PDHX: variants seen among roughly 807,000 people sequenced by gnomAD.
The protein encoded by PDHX is pyruvate dehydrogenase complex component X.
Under a neutral mutation model 55.3 loss-of-function variants are expected in PDHX, and 33 were observed. The ratio of observed to expected loss-of-function variants is 0.60; its 90% CI spans 0.45 to 0.80. The LOEUF (loss-of-function observed/expected upper bound fraction) is 0.80, where lower values mean the gene tolerates loss of function less well. Ranked by LOEUF, PDHX falls within the 30% of genes least tolerant of loss-of-function variation. PDHX has a pLI of 0.00. For synonymous variants in PDHX, 226 were observed against 219.4 expected (o/e 1.03, Z -0.27); for missense variants, 622 against 619.9 (o/e 1.00, Z -0.04).
chr11:34,940,064 C>A (rs11032938), intron 2 of PDHX, among the ~76,000 whole-genome samples: 28,694 of 152,062 alleles, frequency 0.19, 3,890 homozygotes, highest in African/African-American at 0.39. Context: ...AAAAAAAATT[C>A]TTGTTCTCCT....
chr11:34,931,389 T>G lies in PDHX; in HGVS notation c.161-15T>G. On this transcript the variant is annotated splice_polypyrimidine_tract_variant and intron_variant, in intron 1 of 10. Coordinates refer to ENST00000227868, the MANE Select transcript of PDHX (RefSeq NM_003477.3). ...TTATTTGTTGTGGCTCATCTTTCCT[T>G]TTTTTCAATTTCAGGTGATCCCATT... The G allele has an allele frequency of 6.7e-7, 1 of 1,502,428 alleles. No homozygotes were observed. Among genetic ancestry groups the G allele is most frequent in the Non-Finnish European group, 9.3e-7 (1 of 1,080,232 alleles). 93.1% of individuals were successfully genotyped at this position (1,502,428 alleles called of 1,614,324 possible). A position where few individuals can be genotyped will look rare whatever the true frequency, so the allele number is the denominator to read the frequency against.
intron 3 of PDHX, among the ~76,000 whole-genome samples, chr11:34,954,549 G>A (rs1157370136): frequency 2.0e-5 from 3 of 152,136 alleles, no homozygotes; most frequent in African/African-American, 2.4e-5. Context: ...ACCCATTATC[G>A]TATATGTTGA....
chr11:34,949,271 G>A (rs1026144012), intron 3 of PDHX, among the ~76,000 whole-genome samples: 1 of 151,974 alleles, frequency 6.6e-6, no homozygotes, highest in Non-Finnish European at 1.5e-5. Flanking sequence ...TGTTTGAGAT[G>A]GAGTTTTGCT....
At chr11:34,947,938 C>G (rs1285889593) in intron 3 of PDHX, among the ~76,000 whole-genome samples, 1 of 152,124 alleles carries the variant, frequency 6.6e-6, no homozygotes, top group Admixed American at 6.5e-5. Flanking sequence ...ATTGAGCCAA[C>G]CAGCGTGTTT....
chr11:34,984,638 A>G lies in PDHX; in HGVS notation c.1092A>G (p.Ser364=). The G allele has an allele frequency of 6.2e-7, 1 of 1,613,892 alleles. No homozygotes were observed. Among genetic ancestry groups the G allele is most frequent in the Non-Finnish European group, 8.5e-7 (1 of 1,179,780 alleles). Residue 364 remains serine, a synonymous_variant, in exon 9 of 11, where the codon TCA becomes TCG. Transcript: ENST00000227868. ...AGCAACTGCCATTTATTGACATTTC[A>G]GTGGCTGTGGCAACAGATAAAGGCT... The part of the protein sequence containing the change: ...GPKQLPFIDI[S]VAVATDKGLL...
chr11:34,955,679 G>A (rs557499517), intron 3 of PDHX, among the ~76,000 whole-genome samples: 23 of 152,214 alleles, frequency 1.5e-4, no homozygotes, highest in African/African-American at 4.3e-4. Context: ...TCAATGTTAC[G>A]TTGGTAGAGT....
chr11:34,990,651 C>T (rs977913110), intron 9 of PDHX, among the ~76,000 whole-genome samples: 2 of 152,078 alleles, frequency 1.3e-5, no homozygotes, highest in African/African-American at 4.8e-5. Context: ...AGGAAAAATG[C>T]TTTTATAGAT....
intron 5 of PDHX, among the ~76,000 whole-genome samples, chr11:34,961,774 G>A (rs2761820): frequency 0.6 from 91,105 of 151,818 alleles, 28,824 homozygotes; most frequent in East Asian, 0.75. Flanking sequence ...ATACTGTGAA[G>A]TTCGTGCCAC....
chr11:34,916,572 G>A, upstream of PDHX: 2 of 1,567,296 alleles, frequency 1.3e-6, no homozygotes, highest in Non-Finnish European at 1.7e-6. Flanking sequence ...TAGCGTCTGG[G>A]GGCGTGGCCA....
intron 2 of PDHX, among the ~76,000 whole-genome samples, chr11:34,944,027 C>A (rs1043890805): frequency 2.0e-5 from 3 of 149,804 alleles, no homozygotes; most frequent in Non-Finnish European, 4.4e-5. Context: ...ATCCTCAGTG[C>A]CTACATATGT....
At chr11:34,942,593 A>G (rs1854514772) in intron 2 of PDHX, among the ~76,000 whole-genome samples, 1 of 152,200 alleles carries the variant, frequency 6.6e-6, no homozygotes, top group Non-Finnish European at 1.5e-5. Context: ...TTTTGATCAC[A>G]GCTGAAACTC....
chr11:34,924,378 C>T (rs543724542), intron 1 of PDHX, among the ~76,000 whole-genome samples: 3 of 152,202 alleles, frequency 2.0e-5, no homozygotes, highest in South Asian at 2.1e-4. Flanking sequence ...GCATGTGCCA[C>T]CAAGCCTAAT....
At chr11:34,916,484 G>A (rs1255473501), upstream of PDHX, 1 of 1,459,942 alleles carries the variant, frequency 6.8e-7, no homozygotes, top group Non-Finnish European at 9.0e-7. Context: ...GACTTCCCGG[G>A]AGGCAAGGCC....
At chr11:34,979,923 A>T (rs1855471444) in intron 8 of PDHX, among the ~76,000 whole-genome samples, 2 of 151,508 alleles carry the variant, frequency 1.3e-5, no homozygotes, top group Admixed American at 6.6e-5. Flanking sequence ...TCAATATTAT[A>T]AATTTTTTTA....
upstream of PDHX, chr11:34,916,245 G>C (rs139123979): frequency 6.2e-7 from 1 of 1,612,124 alleles, no homozygotes; most frequent in South Asian, 1.1e-5. Context: ...CCGCATCTCC[G>C]GGAACAACAG....
intron 10 of PDHX, among the ~76,000 whole-genome samples, chr11:34,994,553 A>G (rs890334947): frequency 7.2e-5 from 11 of 152,238 alleles, no homozygotes; most frequent in African/African-American, 2.2e-4. Flanking sequence ...TATGACAGCT[A>G]TGATGCCACT....
In PDHX at chr11:34,936,714, G is replaced by A. The variant is rs2133951639; in HGVS notation, c.241+5230G>A. 1.3e-5 allele frequency among the ~76,000 whole-genome samples: 2 copies of A among 151,340 alleles called. 1 individual carries two copies. Among genetic ancestry groups the A allele is most frequent in the South Asian group, 4.2e-4 (2 of 4,800 alleles). On this transcript the variant is annotated intron_variant, in intron 2 of 10. Transcript: ENST00000227868. ...ATCTGCAGTTTATCAGTCTGTGAGG[G>A]TCCTTATCCTAAAGCCAAAATAGAT...
intron 1 of PDHX, among the ~76,000 whole-genome samples, chr11:34,918,764 T>C (rs1475720124): frequency 6.6e-6 from 1 of 152,206 alleles, no homozygotes; most frequent in East Asian, 1.9e-4. Flanking sequence ...ATCAAGCTAT[T>C]GGTAGGAGCT....
Position 34,984,724 on chromosome 11 carries a change from T to A in PDHX, c.1178T>A (p.Val393Glu). Reference protein sequence around the residue: ...AKGIQEIADSVKALSKKARDG... With the variant: ...AKGIQEIADSEKALSKKARDG... Reference sequence around the variant, plus strand: ...GGTATCCAGGAAATTGCTGACTCTGTAAAGGTATGTCTTAAGAAAGAGTGT... The same window carrying A: ...GGTATCCAGGAAATTGCTGACTCTGAAAAGGTATGTCTTAAGAAAGAGTGT... The change falls in exon 9 of 11, where the codon GTA becomes GAA. Residue 393 changes from valine (V) to glutamate (E), a missense_variant. Val to Glu is a moderately radical substitution (Grantham distance 121). Transcript: ENST00000227868. 1 of 1,613,708 alleles carries A rather than the reference T, an allele frequency of 6.2e-7. No individual in the cohort carries two copies. The highest frequency in any genetic ancestry group is 8.5e-7 in the Non-Finnish European group (1 of 1,179,620).
Sources: allele counts gnomAD v4.1 joint callset (sites outside exome capture counted in the v4.1 genomes callset), GRCh38; gene constraint gnomAD v4.1.1; transcripts MANE v1.5; gene names NCBI Gene and HGNC (gene_info 2026-07-23, HGNC 2026-07-21).